HOMER2: variants seen among roughly 807,000 people sequenced by gnomAD.
HOMER2 encodes the protein homer scaffold protein 2.
Under a neutral mutation model 47.0 loss-of-function variants are expected in HOMER2, and 27 were observed. That is an observed-to-expected ratio of 0.57 (90% CI 0.42 to 0.79). The LOEUF (loss-of-function observed/expected upper bound fraction) is 0.79, where lower values mean the gene tolerates loss of function less well. HOMER2 is among the 30% of genes least tolerant of loss of function. The pLI is 0.00. For missense variants in HOMER2, 443 were observed against 435.0 expected (o/e 1.02, Z -0.16); for synonymous variants, 161 against 163.8 (o/e 0.98, Z 0.13).
intron 1 of HOMER2, among the ~76,000 whole-genome samples, chr15:82,980,028 T>C (rs11854758): frequency 0.023 from 3,437 of 152,110 alleles, 122 homozygotes; most frequent in African/African-American, 0.075. Flanking sequence ...ATACCAACTT[T>C]TAAGTGGCAG....
upstream of HOMER2, chr15:82,952,732 G>A (rs892165718): frequency 7.1e-6 from 7 of 979,994 alleles, no homozygotes; most frequent in Non-Finnish European, 8.5e-6. Flanking sequence ...GGCGGGCGGG[G>A]GCTGGGCGGC....
chr15:82,933,127 TA>T (rs138880202), intron 1 of HOMER2, among the ~76,000 whole-genome samples: 110 of 133,854 alleles, frequency 8.2e-4, no homozygotes, highest in South Asian at 3.6e-3. Flanking sequence ...GAAAATCTGA[TA>T]AAAAAAAAAA....
At chr15:82,865,428 T>G (rs912981627) in intron 3 of HOMER2, among the ~76,000 whole-genome samples, 5 of 152,184 alleles carry the variant, frequency 3.3e-5, no homozygotes, top group African/African-American at 1.2e-4. Context: ...AATAAGTTTG[T>G]TCAGTGAATG....
intron 8 of HOMER2, among the ~76,000 whole-genome samples, chr15:82,850,203 A>T (rs968571491): frequency 6.6e-6 from 1 of 152,238 alleles, no homozygotes; most frequent in Non-Finnish European, 1.5e-5. Context: ...CCTGAGGGAG[A>T]CCTCACACAG....
chr15:82,956,204 C>T (rs2054585930), upstream of HOMER2, among the ~76,000 whole-genome samples: 1 of 147,368 alleles, frequency 6.8e-6, no homozygotes, highest in African/African-American at 2.5e-5. Flanking sequence ...TGCATCACTG[C>T]ACTCCAGCCT....
intron 1 of HOMER2, among the ~76,000 whole-genome samples, chr15:82,896,793 G>C (rs946828875): frequency 2.0e-5 from 3 of 152,214 alleles, no homozygotes; most frequent in Non-Finnish European, 2.9e-5. Context: ...AACCAAGTCT[G>C]GGGGCACTGG....
rs180995537 is a variant in HOMER2, at chr15:82,929,761, G to A, written c.5+22770C>T. ...TGTTTTTTTTTTGAGACGGAGTTTC[G>A]CTCTTGTTGCCCAGGCTGAAGTGTA... On this transcript the variant is annotated intron_variant, in intron 1 of 8. Transcript: ENST00000450735. 4.0e-5 allele frequency among the ~76,000 whole-genome samples: 6 copies of A among 150,248 alleles called. No homozygotes were observed. The East Asian group carries it at 7.9e-4, about 20-fold the overall frequency.
intron 1 of HOMER2, among the ~76,000 whole-genome samples, chr15:82,949,250 G>A (rs2054451755): frequency 6.6e-6 from 1 of 152,160 alleles, no homozygotes; most frequent in Non-Finnish European, 1.5e-5. Flanking sequence ...TGGGCATATC[G>A]ATGGCATTTG....
chr15:82,894,565 G>A (rs907556502), intron 1 of HOMER2, among the ~76,000 whole-genome samples: 1 of 151,688 alleles, frequency 6.6e-6, no homozygotes, highest in South Asian at 2.1e-4. Context: ...CAGCTACTCG[G>A]GAGGCTGAGG....
intron 1 of HOMER2, among the ~76,000 whole-genome samples, chr15:82,981,403 C>G (rs1422590208): frequency 1.3e-5 from 2 of 152,200 alleles, no homozygotes; most frequent in Admixed American, 6.5e-5. Flanking sequence ...TAATTGTGCA[C>G]TGCTATTGGG....
intron 1 of HOMER2, among the ~76,000 whole-genome samples, chr15:82,918,606 T>G (rs1027057991): frequency 6.6e-6 from 1 of 152,116 alleles, no homozygotes; most frequent in African/African-American, 2.4e-5. Flanking sequence ...GACACCTGAA[T>G]GTGTACCTCC....
chr15:82,911,011 G>A (rs2053438783), intron 1 of HOMER2, among the ~76,000 whole-genome samples: 1 of 152,182 alleles, frequency 6.6e-6, no homozygotes, highest in Non-Finnish European at 1.5e-5. Flanking sequence ...GGTTTGTTAA[G>A]ATTAAATGTG....
At chr15:82,859,866 C>CA (rs1342268923) in intron 4 of HOMER2, among the ~76,000 whole-genome samples, 8 of 149,166 alleles carry the variant, frequency 5.4e-5, no homozygotes, top group Middle Eastern at 3.2e-3. Context: ...TTCTGAATTT[C>CA]AAAAAAAACA....
intron 1 of HOMER2, among the ~76,000 whole-genome samples, chr15:82,893,121 G>A (rs538027289): frequency 6.1e-4 from 92 of 152,022 alleles, no homozygotes; most frequent in African/African-American, 2.0e-3. Flanking sequence ...CAGTGTTTTC[G>A]AATCCCCGTC....
chr15:82,976,467 T>C (rs2030205250), intron 1 of HOMER2, among the ~76,000 whole-genome samples: 1 of 151,842 alleles, frequency 6.6e-6, no homozygotes, highest in African/African-American at 2.4e-5. Flanking sequence ...CCAGCTAATT[T>C]TTGTATTTTT....
At chr15:82,894,949 T>G (rs890692113) in intron 1 of HOMER2, among the ~76,000 whole-genome samples, 3 of 152,206 alleles carry the variant, frequency 2.0e-5, no homozygotes, top group African/African-American at 7.2e-5. Flanking sequence ...ATTTTAAGAA[T>G]GCTCTTGAGA....
chr15:82,852,392 T>G, intron 6 of HOMER2, 140 bp from the exon 7 acceptor site: 1 of 641,768 alleles, frequency 1.6e-6, no homozygotes, highest in South Asian at 2.0e-5. Context: ...TTTGTGGCTA[T>G]GAACAAACCC....
chr15:82,977,864 AG>A (rs1815334995), intron 1 of HOMER2, among the ~76,000 whole-genome samples: 1 of 152,048 alleles, frequency 6.6e-6, no homozygotes, highest in Admixed American at 6.6e-5. Context: ...TAAAACTGGA[AG>A]GCCGGGCACG....
At chr15:82,900,152 A>G (rs770377955) in intron 1 of HOMER2, among the ~76,000 whole-genome samples, 11 of 152,026 alleles carry the variant, frequency 7.2e-5, no homozygotes, top group Non-Finnish European at 1.5e-4. Flanking sequence ...AAAGCAAGCC[A>G]GGTACAATTG....
Sources: allele counts gnomAD v4.1 joint callset (sites outside exome capture counted in the v4.1 genomes callset), GRCh38; gene constraint gnomAD v4.1.1; transcripts MANE v1.5; gene names NCBI Gene and HGNC (gene_info 2026-07-23, HGNC 2026-07-21).